TOM1L2: variants seen among roughly 807,000 people sequenced by gnomAD.
TOM1L2 encodes TOM1-like protein 2.
TOM1L2 carries 31 observed loss-of-function variants against 67.9 expected under a neutral mutation model. That is an observed-to-expected ratio of 0.46 (90% CI 0.34 to 0.62). The LOEUF is 0.62. TOM1L2 is among the 20% of genes least tolerant of loss of function. The pLI is 0.01. For synonymous variants in TOM1L2, 256 were observed against 254.0 expected (o/e 1.01, Z -0.07); for missense variants, 606 against 663.5 (o/e 0.91, Z 0.95).
chr17:17,866,760 TC>T lies in TOM1L2; in HGVS notation c.960+115del, dbSNP rs2036869111. On this transcript the variant is annotated intron_variant, in intron 9 of 14. Coordinates refer to ENST00000379504, the MANE Select transcript of TOM1L2 (RefSeq NM_001082968.2). The stretch of plus-strand genomic sequence containing the variant: ...ATCCCATCAACCAGAGCTTGCCTCT[TC>T]AATTTCCCAAATATTTCAAAACCAG... The T allele has an allele frequency of 7.2e-6, 8 of 1,114,642 alleles. No individual in the cohort carries two copies. In the South Asian group the frequency reaches 1.1e-4, roughly 15 times the overall value. The allele number at this position is 1,114,642 out of a possible 1,614,324, so 69.0% of individuals were successfully genotyped here. A position where few individuals can be genotyped will look rare whatever the true frequency, so the allele number is the denominator to read the frequency against.
At chr17:17,912,012 TTC>T (rs1415322039) in intron 1 of TOM1L2, among the ~76,000 whole-genome samples, 1 of 150,494 alleles carries the variant, frequency 6.6e-6, no homozygotes. Context: ...AGAAGAATTT[TTC>T]TTAGTACAGA....
intron 12 of TOM1L2, 71 bp downstream of exon 12, chr17:17,861,405 G>T: frequency 6.1e-6 from 9 of 1,467,264 alleles, no homozygotes; most frequent in Non-Finnish European, 8.6e-6. Flanking sequence ...GAATTACCCA[G>T]CCAGCTTTGC....
chr17:17,963,991 G>C (rs572912279), intron 1 of TOM1L2, among the ~76,000 whole-genome samples: 2 of 152,188 alleles, frequency 1.3e-5, no homozygotes, highest in Non-Finnish European at 2.9e-5. Flanking sequence ...GATATGGATA[G>C]CAAGCACTGT....
chr17:17,908,152 G>A (rs1445566153), intron 1 of TOM1L2, among the ~76,000 whole-genome samples: 3 of 152,124 alleles, frequency 2.0e-5, no homozygotes, highest in Non-Finnish European at 2.9e-5. Context: ...GGTGTTTCAC[G>A]TACATTATTT....
intron 1 of TOM1L2, among the ~76,000 whole-genome samples, chr17:17,955,265 C>T (rs2041382706): frequency 6.6e-6 from 1 of 151,844 alleles, no homozygotes; most frequent in Non-Finnish European, 1.5e-5. Flanking sequence ...CGGCAGAGGG[C>T]CCTCACTTCT....
chr17:17,940,969 A>AT (rs915201393), intron 1 of TOM1L2, among the ~76,000 whole-genome samples: 1 of 152,176 alleles, frequency 6.6e-6, no homozygotes, highest in Non-Finnish European at 1.5e-5. Context: ...TACTTGTAAG[A>AT]TTTGTACCAT....
intron 7 of TOM1L2, among the ~76,000 whole-genome samples, chr17:17,875,309 G>C (rs1368537687): frequency 1.3e-5 from 2 of 151,434 alleles, no homozygotes; most frequent in African/African-American, 4.9e-5. Context: ...AAGGTGAAAG[G>C]AGGGCCAGAT....
chr17:17,950,028 G>A (rs1230447050), intron 1 of TOM1L2, among the ~76,000 whole-genome samples: 1 of 151,508 alleles, frequency 6.6e-6, no homozygotes, highest in African/African-American at 2.4e-5. Flanking sequence ...CCACCACCAT[G>A]CCTGGCTAAT....
At chr17:17,859,716 A>C (rs2036449370) in intron 12 of TOM1L2, 1 of 152,206 alleles carries the variant, frequency 6.6e-6, no homozygotes, top group Non-Finnish European at 1.5e-5. Flanking sequence ...CCCTGTCTCT[A>C]GTAAAAACAC....
chr17:17,891,319 G>A (rs893287113), intron 4 of TOM1L2, among the ~76,000 whole-genome samples: 1 of 152,216 alleles, frequency 6.6e-6, no homozygotes, highest in Non-Finnish European at 1.5e-5. Flanking sequence ...GGTGGTACAT[G>A]CCCACAATAA....
At chr17:17,920,335 ATTTTTT>A (rs771122365) in intron 1 of TOM1L2, among the ~76,000 whole-genome samples, 1 of 93,252 alleles carries the variant, frequency 1.1e-5, no homozygotes, top group Non-Finnish European at 2.0e-5. Context: ...AATGTTCAAT[ATTTTTT>A]TTTTTTTTTT....
intron 7 of TOM1L2, among the ~76,000 whole-genome samples, chr17:17,873,270 G>C (rs537189500): frequency 1.3e-5 from 2 of 152,292 alleles, no homozygotes; most frequent in East Asian, 3.9e-4. Context: ...CTATCACCTA[G>C]ATTGTACCAT....
intron 1 of TOM1L2, among the ~76,000 whole-genome samples, chr17:17,952,044 A>G (rs908913743): frequency 6.6e-6 from 1 of 152,222 alleles, no homozygotes; most frequent in African/African-American, 2.4e-5. Context: ...AGAAATGCAC[A>G]AAGATATGCT....
At chr17:17,849,116 G>A (rs1160810423) in intron 13 of TOM1L2, among the ~76,000 whole-genome samples, 1 of 152,242 alleles carries the variant, frequency 6.6e-6, no homozygotes, top group Non-Finnish European at 1.5e-5. Context: ...CAGAAAGGCT[G>A]GAAAGAAAAC....
intron 1 of TOM1L2, among the ~76,000 whole-genome samples, chr17:17,947,722 C>T (rs1045675847): frequency 5.3e-5 from 8 of 152,196 alleles, no homozygotes; most frequent in African/African-American, 1.9e-4. Context: ...GGACTTCTAT[C>T]CTCATTTTAC....
chr17:17,850,205 C>T (rs2035880929), intron 13 of TOM1L2, among the ~76,000 whole-genome samples: 1 of 152,228 alleles, frequency 6.6e-6, no homozygotes, highest in South Asian at 2.1e-4. Context: ...CTTCATCCGC[C>T]ACCCTGGCCC....
chr17:17,932,910 TA>T (rs2040392504), intron 1 of TOM1L2, among the ~76,000 whole-genome samples: 1 of 152,198 alleles, frequency 6.6e-6, no homozygotes, highest in South Asian at 2.1e-4. Flanking sequence ...GGATTTAAAT[TA>T]TTTTTCATTT....
chr17:17,857,692 C>T (rs1555581410), intron 12 of TOM1L2: 1 of 1,316,362 alleles, frequency 7.6e-7, no homozygotes. Context: ...CGGCAGGTCA[C>T]AAGAGGAAGA....
intron 2 of TOM1L2, among the ~76,000 whole-genome samples, chr17:17,903,414 G>A (rs899738502): frequency 3.9e-5 from 6 of 152,036 alleles, no homozygotes; most frequent in African/African-American, 7.3e-5. Context: ...ACGAGGTAAG[G>A]GGATCGAGAC....
Sources: allele counts gnomAD v4.1 joint callset (sites outside exome capture counted in the v4.1 genomes callset), GRCh38; gene constraint gnomAD v4.1.1; transcripts MANE v1.5; gene names NCBI Gene and HGNC (gene_info 2026-07-23, HGNC 2026-07-21).